Variants in P2RY12 observed in about 807,000 individuals in gnomAD.
The protein encoded by P2RY12 is purinergic receptor P2Y12.
In P2RY12, 3 loss-of-function variants were observed where a neutral mutation model predicts 4.5. The ratio of observed to expected loss-of-function variants is 0.67; its 90% confidence interval spans 0.31 to 1.74. P2RY12 has a LOEUF of 1.74. P2RY12 is among the 40% of genes most tolerant of loss of function. The pLI is 0.09. For missense variants in P2RY12, 356 were observed against 407.8 expected (o/e 0.87, Z 1.09); for synonymous variants, 148 against 154.1 (o/e 0.96, Z 0.29).
chr3:151,348,074 C>T (rs1319812473), intron 1 of P2RY12, among the ~76,000 whole-genome samples: 2 of 152,228 alleles, frequency 1.3e-5, no homozygotes, highest in Non-Finnish European at 2.9e-5. Flanking sequence ...ATCTGTGCTC[C>T]TTGAAGACAG....
Position 151,377,957 on chromosome 3 carries a change from G to A in P2RY12, c.-180+6735C>T, listed in dbSNP as rs186133529. 2.0e-4 allele frequency: 291 copies of A among 1,484,372 alleles called. No homozygotes were observed. In the African/African-American group the frequency reaches 3.7e-3, roughly 19 times the overall value. The allele number at this position is 1,484,372 out of a possible 1,614,324, so 92.0% of individuals were successfully genotyped here. A position where few individuals can be genotyped will look rare whatever the true frequency, so the allele number is the denominator to read the frequency against. ...TCGCTTTGGAGTTTCTGTTATAACT[G>A]TGAGAGCAGGGGAAAGGATGCTTTC... On this transcript the variant is annotated intron_variant, in intron 1 of 2. Transcript: ENST00000302632.
intron 1 of P2RY12, among the ~76,000 whole-genome samples, chr3:151,345,852 A>C (rs1299009875): frequency 3.3e-5 from 5 of 152,070 alleles, no homozygotes; most frequent in Non-Finnish European, 7.4e-5. Flanking sequence ...TGATGTAAAC[A>C]AATCTTGTAG....
chr3:151,350,856 A>G (rs578220796), intron 1 of P2RY12, among the ~76,000 whole-genome samples: 2 of 152,194 alleles, frequency 1.3e-5, no homozygotes, highest in Non-Finnish European at 2.9e-5. Flanking sequence ...TTGTATCACC[A>G]CATTGCATAA....
intron 1 of P2RY12, chr3:151,382,848 G>A (rs1347877290): frequency 2.4e-6 from 2 of 823,098 alleles, no homozygotes; most frequent in East Asian, 2.8e-5. Context: ...ATTACAAGGT[G>A]AGGCCTTCCA....
intron 1 of P2RY12, chr3:151,378,097 G>A (rs1711548205): frequency 4.3e-6 from 7 of 1,611,648 alleles, no homozygotes; most frequent in East Asian, 2.2e-5. Context: ...GCTGAAAGCC[G>A]CTGGGGAAGA....
intron 1 of P2RY12, among the ~76,000 whole-genome samples, chr3:151,351,864 C>T (rs1334607649): frequency 1.3e-5 from 2 of 152,096 alleles, no homozygotes; most frequent in African/African-American, 2.4e-5. Flanking sequence ...TTTTTAATGC[C>T]ACACTATAGT....
chr3:151,369,588 C>A, intron 1 of P2RY12: 1 of 1,335,638 alleles, frequency 7.5e-7, no homozygotes, highest in South Asian at 1.3e-5. Context: ...GGTTAATCAC[C>A]AGAAATGAAG....
chr3:151,352,421 G>A (rs963207349), intron 1 of P2RY12, among the ~76,000 whole-genome samples: 99 of 152,284 alleles, frequency 6.5e-4, no homozygotes, highest in Non-Finnish European at 7.9e-4. Context: ...CCAGAAAGCT[G>A]TTAATTTGGG....
At chr3:151,360,924 C>T in intron 1 of P2RY12, among the ~76,000 whole-genome samples, 1 of 152,006 alleles carries the variant, frequency 6.6e-6, no homozygotes. Flanking sequence ...GTTGTACAGA[C>T]AGTGCATTTT....
intron 1 of P2RY12, chr3:151,378,199 G>T: frequency 6.4e-7 from 1 of 1,569,668 alleles, no homozygotes; most frequent in Non-Finnish European, 8.7e-7. Context: ...GGGCGTCTGT[G>T]TGAGAGTTTA....
chr3:151,356,367 A>G (rs1753924002), intron 1 of P2RY12, among the ~76,000 whole-genome samples: 1 of 152,142 alleles, frequency 6.6e-6, no homozygotes. Flanking sequence ...ACTCAAGCCT[A>G]TGGGACAGTG....
chr3:151,359,831 T>A (rs1458927133), intron 1 of P2RY12, among the ~76,000 whole-genome samples: 1 of 152,068 alleles, frequency 6.6e-6, no homozygotes, highest in Non-Finnish European at 1.5e-5. Flanking sequence ...TTTACAGCTG[T>A]GGTGTATGGA....
At chr3:151,368,916 C>A (rs2107979174) in intron 1 of P2RY12, among the ~76,000 whole-genome samples, 1 of 151,816 alleles carries the variant, frequency 6.6e-6, no homozygotes, top group East Asian at 1.9e-4. Context: ...CATGCACCAC[C>A]ATGCCTGGCA....
chr3:151,349,424 C>G (rs1052654521), intron 1 of P2RY12, among the ~76,000 whole-genome samples: 2 of 152,136 alleles, frequency 1.3e-5, no homozygotes, highest in African/African-American at 4.8e-5. Flanking sequence ...ATACATGTAT[C>G]TCACACAGTC....
chr3:151,373,337 G>C (rs894440766), intron 1 of P2RY12, among the ~76,000 whole-genome samples: 2 of 152,148 alleles, frequency 1.3e-5, no homozygotes, highest in Non-Finnish European at 2.9e-5. Context: ...CAAGGGTGAT[G>C]TTAATTTTGA....
intron 1 of P2RY12, chr3:151,369,668 T>C (rs138653745): frequency 4.8e-6 from 3 of 619,970 alleles, no homozygotes; most frequent in African/African-American, 1.8e-5. Flanking sequence ...TGATCGCTTA[T>C]TCTCCTGGAA....
At chr3:151,339,485 C>T (rs1577371426) in intron 2 of P2RY12, among the ~76,000 whole-genome samples, 1 of 151,362 alleles carries the variant, frequency 6.6e-6, no homozygotes, top group Non-Finnish European at 1.5e-5. Context: ...ATTCCTGCCT[C>T]TATATTGCTC....
In P2RY12 at chr3:151,384,344, CTATT is replaced by C. The variant is rs1041738575; in HGVS notation, c.-180+344_-180+347del. The C allele has an allele frequency of 4.0e-6, 4 of 1,004,596 alleles. No individual in the cohort carries two copies. In the Admixed American group the frequency reaches 8.7e-5, roughly 22 times the overall value. 62.2% of individuals were successfully genotyped at this position (1,004,596 alleles called of 1,614,324 possible). A position where few individuals can be genotyped will look rare whatever the true frequency, so the allele number is the denominator to read the frequency against. ...CAACTTAATTTAATGTGATTATTTG[CTATT>C]TGTTTCACCTAACCTTATTAGTACC... On this transcript the variant is annotated intron_variant, in intron 1 of 2. Coordinates refer to ENST00000302632, the MANE Select transcript of P2RY12 (RefSeq NM_022788.5).
At chr3:151,373,823 G>C (rs1209675169) in intron 1 of P2RY12, among the ~76,000 whole-genome samples, 1 of 152,052 alleles carries the variant, frequency 6.6e-6, no homozygotes, top group Non-Finnish European at 1.5e-5. Flanking sequence ...CCCGGGCCTG[G>C]AATCAACTAT....
Sources: allele counts gnomAD v4.1 joint callset (sites outside exome capture counted in the v4.1 genomes callset), GRCh38; gene constraint gnomAD v4.1.1; transcripts MANE v1.5; gene names NCBI Gene and HGNC (gene_info 2026-07-23, HGNC 2026-07-21).